TM2D3: variants seen among roughly 807,000 people sequenced by gnomAD.
TM2D3 encodes TM2 domain-containing protein 3.
In TM2D3, 33 loss-of-function variants were observed where a neutral mutation model predicts 27.3. That is an observed-to-expected ratio of 1.21 (90% CI 0.92 to 1.61). The LOEUF (loss-of-function observed/expected upper bound fraction) is 1.61, where lower values mean the gene tolerates loss of function less well. Ranked by LOEUF, TM2D3 falls within the 40% of genes most tolerant of loss-of-function variation. TM2D3 has a pLI of 0.00. For missense variants in TM2D3, 364 were observed against 320.8 expected (o/e 1.13, Z -1.03); for synonymous variants, 138 against 122.2 (o/e 1.13, Z -0.85).
At chr15:101,640,374 C>T (rs1382394791), downstream of TM2D3, among the ~76,000 whole-genome samples, 1 of 152,164 alleles carries the variant, frequency 6.6e-6, no homozygotes, top group Non-Finnish European at 1.5e-5. Context: ...AGAAGGCCCT[C>T]ACCAGATACC....
chr15:101,639,312 C>T (rs934274848), downstream of TM2D3, among the ~76,000 whole-genome samples: 3 of 151,728 alleles, frequency 2.0e-5, no homozygotes, highest in Admixed American at 1.3e-4. Context: ...CATACTCTAC[C>T]AAAAGGGCAG....
intron 5 of TM2D3, 78 bp downstream of exon 5, chr15:101,645,009 T>G: frequency 8.0e-7 from 1 of 1,246,292 alleles, no homozygotes. Flanking sequence ...TGAAGGGGAC[T>G]GAGCTCAATG....
chr15:101,647,766 A>C (rs537330124), intron 3 of TM2D3, among the ~76,000 whole-genome samples: 2 of 152,190 alleles, frequency 1.3e-5, no homozygotes, highest in African/African-American at 4.8e-5. Context: ...TACTGAAAGC[A>C]CTTTGTAGTC....
At chr15:101,638,819 T>C (rs1330828349), downstream of TM2D3, among the ~76,000 whole-genome samples, 1 of 152,168 alleles carries the variant, frequency 6.6e-6, no homozygotes, top group Non-Finnish European at 1.5e-5. Context: ...ATCATTTAAG[T>C]ATTTGAGAAG....
At chr15:101,638,294 C>T (rs558605194), downstream of TM2D3, among the ~76,000 whole-genome samples, 112 of 151,226 alleles carry the variant, frequency 7.4e-4, 1 homozygote, top group African/African-American at 2.7e-3. Flanking sequence ...TGAGACCCCC[C>T]CACCTTTTTT....
chr15:101,644,621 C>G (rs1258731744), intron 5 of TM2D3, among the ~76,000 whole-genome samples: 1 of 152,172 alleles, frequency 6.6e-6, no homozygotes, highest in Non-Finnish European at 1.5e-5. Flanking sequence ...TCTTAAAGTA[C>G]TGTTGAGAAG....
At chr15:101,643,104 TA>T (rs933903630) in intron 5 of TM2D3, among the ~76,000 whole-genome samples, 108 of 152,296 alleles carry the variant, frequency 7.1e-4, no homozygotes, top group African/African-American at 2.5e-3. Context: ...AAGGATCTTT[TA>T]AATTCTAAGA....
chr15:101,638,516 T>G (rs1896599203), downstream of TM2D3, among the ~76,000 whole-genome samples: 1 of 152,158 alleles, frequency 6.6e-6, no homozygotes, highest in Non-Finnish European at 1.5e-5. Context: ...CAGGCTGGTC[T>G]CGAACTCCTA....
At chr15:101,633,340 C>T (rs139343247) in exon 5 of TM2D3, 97 of 260,524 alleles carry the variant, frequency 3.7e-4, no homozygotes, top group Non-Finnish European at 5.1e-4. Flanking sequence ...TTTTGGGCAT[C>T]GCTTAGCTGG....
chr15:101,638,847 GC>G (rs1896606705), downstream of TM2D3, among the ~76,000 whole-genome samples: 1 of 152,146 alleles, frequency 6.6e-6, no homozygotes, highest in Middle Eastern at 3.2e-3. Flanking sequence ...CTGCAATCCA[GC>G]TGCACTCTAC....
intron 3 of TM2D3, among the ~76,000 whole-genome samples, chr15:101,648,802 G>C (rs760700259): frequency 2.6e-5 from 4 of 151,922 alleles, no homozygotes; most frequent in Non-Finnish European, 4.4e-5. Flanking sequence ...CACTTCTTTT[G>C]AATCTTTTGC....
chr15:101,651,756 C>G lies in TM2D3; in HGVS notation c.109G>C (p.Ala37Pro). The G allele has an allele frequency of 6.2e-7, 1 of 1,614,154 alleles. No homozygotes were observed. Among genetic ancestry groups the G allele is most frequent in the South Asian group, 1.1e-5 (1 of 91,086 alleles). The change falls in exon 2 of 6, where the codon GCT (alanine) becomes CCT (proline). Residue 37 changes from alanine (A) to proline (P), a missense_variant. Transcript: ENST00000333202. Reference protein sequence around the residue: ...LSGGEQSQALAQSIKDPGPTR... With the variant: ...LSGGEQSQALPQSIKDPGPTR... ...GGGCCCGGATCCTTTATTGACTGAG[C>G]CAGCGCCTGCGATTGCTCTAAATTT... is the stretch of plus-strand genomic sequence containing the variant.
intron 3 of TM2D3, chr15:101,648,277 T>A (rs1025844507): frequency 2.0e-4 from 31 of 152,220 alleles, no homozygotes; most frequent in African/African-American, 7.5e-4. Flanking sequence ...CTCTGTATGG[T>A]TCCAACTTTG....
Position 101,645,285 on chromosome 15 carries a change from T to C in TM2D3, c.503-123A>G, listed in dbSNP as rs1454118318. 11 of 783,592 alleles carry C rather than the reference T, an allele frequency of 1.4e-5. No homozygotes were observed. The Admixed American group carries it at 2.7e-4, about 19-fold the overall frequency. The allele number at this position is 783,592 out of a possible 1,614,324, so 48.5% of individuals were successfully genotyped here. A position where few individuals can be genotyped will look rare whatever the true frequency, so the allele number is the denominator to read the frequency against. On this transcript the variant is annotated intron_variant, in intron 4 of 5. Coordinates refer to ENST00000333202, the MANE Select transcript of TM2D3 (RefSeq NM_078474.3). The stretch of plus-strand genomic sequence containing the variant: ...TCAACTCTCTTTACGGTAATACATG[T>C]TGAAGTGAAGAGTACAAAGCGCTTA...
chr15:101,651,433 T>TG (rs1896964428), intron 2 of TM2D3: 4 of 419,384 alleles, frequency 9.5e-6, no homozygotes, highest in Non-Finnish European at 1.3e-5. Flanking sequence ...TTTTGATGGA[T>TG]GAAGTGGAAA....
At chr15:101,643,963 T>C (rs531845302) in intron 5 of TM2D3, among the ~76,000 whole-genome samples, 3 of 152,096 alleles carry the variant, frequency 2.0e-5, no homozygotes, top group Admixed American at 1.3e-4. Context: ...GATCTTCCCA[T>C]TGCAGCCTAC....
At position 101,642,625 on chromosome 15, in the gene TM2D3, C is replaced by T. The variant is rs772589610; in HGVS notation, c.598G>A (p.Gly200Arg). The T allele has an allele frequency of 3.7e-6, 6 of 1,609,744 alleles. No homozygotes were observed. Among genetic ancestry groups the T allele is most frequent in the Non-Finnish European group, 4.2e-6 (5 of 1,177,940 alleles). ...LALSITLGGF[G>R]ADRFYLGQWR... The stretch of plus-strand genomic sequence containing the variant: ...TGGCCCAGGTAGAAACGGTCTGCTC[C>T]AAACCCACCGAGGGTGATGCTGCGA... Residue 200 changes from glycine (G) to arginine (R), a missense_variant, in exon 6 of 6, where the codon GGA becomes AGA. Transcript: ENST00000333202.
intron 4 of TM2D3, chr15:101,636,783 C>T (rs1596258467): frequency 4.1e-6 from 1 of 246,886 alleles, no homozygotes; most frequent in South Asian, 3.4e-5. Flanking sequence ...ACATCCCCAC[C>T]AGCAATATAT....
In TM2D3 at chr15:101,642,180, C is replaced by T. The variant is rs540144392; in HGVS notation, c.*299G>A. 2.9e-6 allele frequency: 3 copies of T among 1,048,206 alleles called. No individual in the cohort carries two copies. The highest frequency in any genetic ancestry group is 1.4e-4 in the East Asian group (2 of 14,222). 64.9% of individuals were successfully genotyped at this position (1,048,206 alleles called of 1,614,324 possible). On this transcript the variant is annotated 3_prime_UTR_variant, in exon 6 of 6. Transcript: ENST00000333202. ...TGGAGATACAAGTGATGTAGTTTGA[C>T]TTGGGCAATACAAAACAAAAGTCAT...
Sources: allele counts gnomAD v4.1 joint callset (sites outside exome capture counted in the v4.1 genomes callset), GRCh38; gene constraint gnomAD v4.1.1; transcripts MANE v1.5; gene names NCBI Gene and HGNC (gene_info 2026-07-23, HGNC 2026-07-21).